Variants in CPNE8 observed in about 807,000 individuals in gnomAD.
The protein encoded by CPNE8 is copine-8.
CPNE8 carries 45 observed loss-of-function variants against 81.5 expected under a neutral mutation model. The ratio of observed to expected loss-of-function variants is 0.55; its 90% CI spans 0.44 to 0.71. The LOEUF is 0.71. CPNE8 is among the 30% of genes least tolerant of loss of function. The pLI is 0.00. For missense variants in CPNE8, 594 were observed against 672.1 expected (o/e 0.88, Z 1.28); for synonymous variants, 252 against 226.3 (o/e 1.11, Z -1.02).
At chr12:38,879,756 T>A (rs1274047669) in intron 1 of CPNE8, among the ~76,000 whole-genome samples, 1 of 152,132 alleles carries the variant, frequency 6.6e-6, no homozygotes, top group East Asian at 1.9e-4. Flanking sequence ...AAGTTAATAG[T>A]TTCAGAGTAA....
intron 7 of CPNE8, 119 bp from the exon 8 acceptor site, chr12:38,767,857 T>C: frequency 1.8e-6 from 1 of 562,462 alleles, no homozygotes; most frequent in South Asian, 3.8e-5. Flanking sequence ...ATGGCCAAGT[T>C]TGGGAGAATC....
intron 1 of CPNE8, among the ~76,000 whole-genome samples, chr12:38,886,044 T>G (rs1325414788): frequency 4.6e-5 from 7 of 152,160 alleles, no homozygotes; most frequent in African/African-American, 7.2e-5. Context: ...TCTCAGGTAG[T>G]TCTTTACAGC....
chr12:38,814,281 T>C (rs933715786), intron 6 of CPNE8, among the ~76,000 whole-genome samples: 1 of 144,928 alleles, frequency 6.9e-6, no homozygotes, highest in Non-Finnish European at 1.5e-5. Flanking sequence ...TTAAAAAAAC[T>C]GAAGAAAGTT....
chr12:38,662,526 G>C (rs1303763826), intron 19 of CPNE8, among the ~76,000 whole-genome samples: 12 of 152,082 alleles, frequency 7.9e-5, no homozygotes, highest in Non-Finnish European at 1.3e-4. Flanking sequence ...CATGTTCATG[G>C]ATTGGAATAA....
At chr12:38,853,016 GT>G (rs1411668239) in intron 3 of CPNE8, among the ~76,000 whole-genome samples, 1 of 152,060 alleles carries the variant, frequency 6.6e-6, no homozygotes, top group African/African-American at 2.4e-5. Flanking sequence ...CAGTTTTCCT[GT>G]TTTTAGTTCA....
intron 10 of CPNE8, among the ~76,000 whole-genome samples, chr12:38,760,522 T>C (rs1210510408): frequency 2.0e-5 from 3 of 150,220 alleles, no homozygotes; most frequent in Admixed American, 6.7e-5. Flanking sequence ...AAGTATGGGA[T>C]ATCAATGTCA....
intron 10 of CPNE8, among the ~76,000 whole-genome samples, chr12:38,744,710 T>G (rs571050768): frequency 3.2e-4 from 49 of 152,278 alleles, no homozygotes; most frequent in African/African-American, 1.1e-3. Flanking sequence ...GAACTTCTAT[T>G]CATTTATCAA....
At chr12:38,835,740 T>G (rs1476844415) in intron 5 of CPNE8, among the ~76,000 whole-genome samples, 1 of 152,156 alleles carries the variant, frequency 6.6e-6, no homozygotes, top group East Asian at 1.9e-4. Flanking sequence ...CAAATAAAAT[T>G]TTTAAATATA....
At chr12:38,890,044 C>T (rs1330638905) in intron 1 of CPNE8, among the ~76,000 whole-genome samples, 1 of 152,318 alleles carries the variant, frequency 6.6e-6, no homozygotes, top group Admixed American at 6.5e-5. Flanking sequence ...GACACAACCA[C>T]ACAACAGTTG....
chr12:38,735,841 T>C (rs1940941223), intron 10 of CPNE8, among the ~76,000 whole-genome samples: 1 of 151,890 alleles, frequency 6.6e-6, no homozygotes, highest in Non-Finnish European at 1.5e-5. Flanking sequence ...CAAAAATAAT[T>C]TTTTCTTCAT....
intron 6 of CPNE8, among the ~76,000 whole-genome samples, chr12:38,816,748 C>T (rs1174805304): frequency 1.3e-5 from 2 of 152,088 alleles, no homozygotes; most frequent in Admixed American, 1.3e-4. Flanking sequence ...TTGTGAATGT[C>T]CACTTACTAA....
intron 13 of CPNE8, 74 bp downstream of exon 13, chr12:38,723,698 A>C (rs1254551283): frequency 9.4e-6 from 8 of 851,734 alleles, no homozygotes; most frequent in Non-Finnish European, 1.4e-5. Context: ...AGTGCCAGGT[A>C]CCTCGTGGTA....
intron 13 of CPNE8, among the ~76,000 whole-genome samples, chr12:38,712,224 T>A (rs1316354831): frequency 2.7e-5 from 4 of 147,276 alleles, no homozygotes; most frequent in South Asian, 4.4e-4. Context: ...TTTTTTTTTT[T>A]AGAAGAGATC....
At chr12:38,687,941 G>A (rs569073812) in intron 15 of CPNE8, among the ~76,000 whole-genome samples, 2 of 152,262 alleles carry the variant, frequency 1.3e-5, no homozygotes, top group South Asian at 4.1e-4. Flanking sequence ...TTAGCACAAA[G>A]CAGTTAGTGT....
intron 19 of CPNE8, among the ~76,000 whole-genome samples, chr12:38,662,932 T>C (rs1052733656): frequency 1.3e-5 from 2 of 151,928 alleles, no homozygotes; most frequent in Non-Finnish European, 2.9e-5. Context: ...TAACTGGATA[T>C]CCATATGCAG....
chr12:38,809,533 CAACAT>C (rs575451235), intron 6 of CPNE8, among the ~76,000 whole-genome samples: 6 of 152,122 alleles, frequency 3.9e-5, no homozygotes, highest in South Asian at 4.2e-4. Flanking sequence ...CCACATAACA[CAACAT>C]AACATAACTA....
chr12:38,839,992 C>G (rs763302562), intron 4 of CPNE8, 37 bp from the exon 5 acceptor site: 1 of 1,525,736 alleles, frequency 6.6e-7, no homozygotes. Flanking sequence ...ATTATTTCCA[C>G]AAAATACAGC....
At chr12:38,799,809 G>A (rs11522906) in intron 6 of CPNE8, among the ~76,000 whole-genome samples, 28,966 of 130,584 alleles carry the variant, frequency 0.22, 4,436 homozygotes, top group Non-Finnish European at 0.34. Context: ...CGCACCGTGC[G>A]CGAGCCGAAG....
At chr12:38,794,634 T>TA (rs139729909) in intron 6 of CPNE8, among the ~76,000 whole-genome samples, 5,306 of 146,740 alleles carry the variant, frequency 0.036, 270 homozygotes, top group East Asian at 0.19. Flanking sequence ...AACTACTATT[T>TA]AAAAAAAAAC....
Sources: allele counts gnomAD v4.1 joint callset (sites outside exome capture counted in the v4.1 genomes callset), GRCh38; gene constraint gnomAD v4.1.1; transcripts MANE v1.5; gene names NCBI Gene and HGNC (gene_info 2026-07-23, HGNC 2026-07-21).